The following NKAIN3 variants were observed in gnomAD, a reference collection of about 807,000 sequenced individuals.
NKAIN3 encodes the protein sodium/potassium transporting ATPase interacting 3, also known as sodium/potassium-transporting ATPase subunit beta-1-interacting protein 3.
In NKAIN3, 25 loss-of-function variants were observed where a neutral mutation model predicts 30.2. That is an observed-to-expected ratio of 0.83 (90% CI 0.60 to 1.16). The LOEUF is 1.16. Among genes scored for constraint, NKAIN3 ranks in the 50% most tolerant of loss-of-function variants. NKAIN3 has a pLI of 0.00. For missense variants in NKAIN3, 225 were observed against 254.1 expected (o/e 0.89, Z 0.78); for synonymous variants, 91 against 89.6 (o/e 1.02, Z -0.09).
intron 4 of NKAIN3, among the ~76,000 whole-genome samples, chr8:62,888,408 T>C (rs1206074849): frequency 6.6e-6 from 1 of 152,200 alleles, no homozygotes; most frequent in Non-Finnish European, 1.5e-5. Flanking sequence ...GGGGTCCTCA[T>C]TTTTTAACTT....
At chr8:62,818,773 TG>T (rs1411689568) in intron 4 of NKAIN3, among the ~76,000 whole-genome samples, 1 of 152,100 alleles carries the variant, frequency 6.6e-6, no homozygotes, top group Non-Finnish European at 1.5e-5. Flanking sequence ...CATTTGTCTT[TG>T]TGACTCAGTT....
At chr8:62,856,836 C>T (rs1264498567) in intron 4 of NKAIN3, 23 of 603,454 alleles carry the variant, frequency 3.8e-5, no homozygotes, top group Non-Finnish European at 5.8e-5. Context: ...GCATCACTGC[C>T]AAGAGATCTC....
At chr8:62,275,003 C>G (rs1451573730) in intron 1 of NKAIN3, among the ~76,000 whole-genome samples, 6 of 152,146 alleles carry the variant, frequency 3.9e-5, no homozygotes, top group African/African-American at 1.4e-4. Flanking sequence ...CATTGTTGGA[C>G]ATTTGGGTTG....
chr8:62,320,975 T>C (rs1046244588), intron 1 of NKAIN3, among the ~76,000 whole-genome samples: 5 of 152,230 alleles, frequency 3.3e-5, no homozygotes, highest in African/African-American at 1.2e-4. Flanking sequence ...TACACCAATC[T>C]GATGTAGATT....
At chr8:62,933,924 A>G (rs1822700943) in intron 5 of NKAIN3, among the ~76,000 whole-genome samples, 1 of 152,228 alleles carries the variant, frequency 6.6e-6, no homozygotes, top group African/African-American at 2.4e-5. Flanking sequence ...AAAAACTTTG[A>G]GAGGGACTTC....
At chr8:62,264,822 C>T (rs961063720) in intron 1 of NKAIN3, among the ~76,000 whole-genome samples, 1 of 152,150 alleles carries the variant, frequency 6.6e-6, no homozygotes, top group Non-Finnish European at 1.5e-5. Flanking sequence ...GGTGCATGTG[C>T]CACTGCTCCT....
At chr8:62,299,243 G>A (rs778041147) in intron 1 of NKAIN3, among the ~76,000 whole-genome samples, 9 of 152,050 alleles carry the variant, frequency 5.9e-5, no homozygotes, top group Non-Finnish European at 1.2e-4. Flanking sequence ...ACTGTGCAAA[G>A]AAGAGAAAAA....
chr8:62,518,577 T>C (rs188518624), intron 1 of NKAIN3, among the ~76,000 whole-genome samples: 2 of 152,146 alleles, frequency 1.3e-5, no homozygotes, highest in East Asian at 3.9e-4. Context: ...TAATCAGGAG[T>C]ATTGAGAATA....
At chr8:62,805,321 CA>C (rs984814343) in intron 4 of NKAIN3, among the ~76,000 whole-genome samples, 2 of 151,492 alleles carry the variant, frequency 1.3e-5, no homozygotes, top group African/African-American at 2.4e-5. Flanking sequence ...CATATGGAAC[CA>C]AAAAAGAGCC....
chr8:62,960,889 G>A (rs1283765170), intron 6 of NKAIN3, among the ~76,000 whole-genome samples: 1 of 151,972 alleles, frequency 6.6e-6, no homozygotes, highest in Non-Finnish European at 1.5e-5. Flanking sequence ...CAAACAGAGA[G>A]AGAGAAAAAG....
intron 1 of NKAIN3, among the ~76,000 whole-genome samples, chr8:62,544,803 A>G (rs1331483839): frequency 1.3e-5 from 2 of 152,198 alleles, no homozygotes; most frequent in African/African-American, 4.8e-5. Context: ...CCTAAAACAT[A>G]TTAAGTAATT....
At chr8:62,896,489 C>A in intron 4 of NKAIN3, among the ~76,000 whole-genome samples, 1 of 152,152 alleles carries the variant, frequency 6.6e-6, no homozygotes. Context: ...CCTCCCAGAT[C>A]TCAGGCAGAT....
intron 1 of NKAIN3, among the ~76,000 whole-genome samples, chr8:62,290,369 G>T (rs1271823359): frequency 6.6e-6 from 1 of 152,122 alleles, no homozygotes; most frequent in Non-Finnish European, 1.5e-5. Context: ...GTATGATATT[G>T]GCTGTGGGTT....
intron 3 of NKAIN3, among the ~76,000 whole-genome samples, chr8:62,679,436 A>C (rs967996929): frequency 3.9e-5 from 6 of 152,200 alleles, no homozygotes; most frequent in Non-Finnish European, 8.8e-5. Flanking sequence ...CCTCATCCTA[A>C]TATTTGGGAC....
chr8:62,767,865 G>A (rs1322551343), intron 4 of NKAIN3, among the ~76,000 whole-genome samples: 1 of 151,556 alleles, frequency 6.6e-6, no homozygotes, highest in African/African-American at 2.4e-5. Context: ...CAAAAAAGAA[G>A]ATAAAATATC....
intron 1 of NKAIN3, among the ~76,000 whole-genome samples, chr8:62,426,936 T>C (rs548618309): frequency 2.6e-5 from 4 of 152,126 alleles, no homozygotes; most frequent in Admixed American, 2.6e-4. Context: ...ATGGGTAATA[T>C]CACACTGGAT....
At chr8:62,947,575 C>A (rs1823161007) in intron 5 of NKAIN3, among the ~76,000 whole-genome samples, 1 of 152,146 alleles carries the variant, frequency 6.6e-6, no homozygotes, top group Non-Finnish European at 1.5e-5. Context: ...CTGTTCTTGC[C>A]TCTTAAGCCC....
At chr8:62,475,531 T>C (rs1002382988) in intron 1 of NKAIN3, among the ~76,000 whole-genome samples, 2 of 152,158 alleles carry the variant, frequency 1.3e-5, no homozygotes, top group Non-Finnish European at 2.9e-5. Flanking sequence ...TTTTAGTATA[T>C]CTACGGAGTT....
chr8:62,700,218 T>C (rs1814290272), intron 3 of NKAIN3, among the ~76,000 whole-genome samples: 1 of 152,194 alleles, frequency 6.6e-6, no homozygotes, highest in Non-Finnish European at 1.5e-5. Context: ...ATGGTCAACT[T>C]AGAAAAATGT....
Sources: allele counts gnomAD v4.1 joint callset (sites outside exome capture counted in the v4.1 genomes callset), GRCh38; gene constraint gnomAD v4.1.1; transcripts MANE v1.5; gene names NCBI Gene and HGNC (gene_info 2026-07-23, HGNC 2026-07-21).